NKAIN3: variants seen among roughly 807,000 people sequenced by gnomAD.
NKAIN3 encodes the protein sodium/potassium transporting ATPase interacting 3.
NKAIN3 carries 25 observed loss-of-function variants against 30.2 expected under a neutral mutation model. The observed-to-expected ratio is 0.83, with a 90% confidence interval of 0.60 to 1.16. NKAIN3 has a LOEUF of 1.16. Ranked by LOEUF, NKAIN3 falls within the 50% of genes most tolerant of loss-of-function variation. The probability of loss-of-function intolerance (pLI) is 0.00; values close to 1 mark genes in which losing one functional copy is unlikely to be tolerated. For missense variants in NKAIN3, 225 were observed against 254.1 expected (o/e 0.89, Z 0.78); for synonymous variants, 91 against 89.6 (o/e 1.02, Z -0.09).
intron 1 of NKAIN3, among the ~76,000 whole-genome samples, chr8:62,356,246 C>T (rs1284922737): frequency 1.3e-5 from 2 of 152,170 alleles, no homozygotes; most frequent in African/African-American, 4.8e-5. Context: ...TGATCCTCAC[C>T]TGATTATGCA....
In NKAIN3 at chr8:62,968,935, G is replaced by A. The variant is rs1286812274; in HGVS notation, c.*3528G>A. 6.6e-6 allele frequency among the ~76,000 whole-genome samples: 1 copy of A among 152,148 alleles called. No homozygotes were observed. The highest frequency in any genetic ancestry group is 1.5e-5 in the Non-Finnish European group (1 of 68,016). On this transcript the variant is annotated 3_prime_UTR_variant, in exon 7 of 7. Coordinates refer to ENST00000623646, the MANE Select transcript of NKAIN3 (RefSeq NM_001304533.3). ...TTACCAAAGGACACAAAATGTCTTG[G>A]GTTGTGGAATAGCACACATCAGAGA...
At chr8:62,771,892 A>T (rs1817025687) in intron 4 of NKAIN3, among the ~76,000 whole-genome samples, 1 of 152,192 alleles carries the variant, frequency 6.6e-6, no homozygotes, top group Non-Finnish European at 1.5e-5. Context: ...TCATATATTT[A>T]TCCTTTCTTT....
intron 3 of NKAIN3, among the ~76,000 whole-genome samples, chr8:62,673,197 G>A (rs971470691): frequency 1.3e-5 from 2 of 152,172 alleles, no homozygotes; most frequent in Non-Finnish European, 1.5e-5. Flanking sequence ...GATCAAGTTT[G>A]TGTTTCTCAC....
chr8:62,260,374 G>T (rs746251456), intron 1 of NKAIN3, among the ~76,000 whole-genome samples: 7 of 152,044 alleles, frequency 4.6e-5, no homozygotes, highest in Non-Finnish European at 1.0e-4. Context: ...TATATAAATT[G>T]TTGTTAATGA....
intron 4 of NKAIN3, among the ~76,000 whole-genome samples, chr8:62,843,298 C>A (rs965729820): frequency 4.7e-5 from 7 of 150,340 alleles, no homozygotes; most frequent in Non-Finnish European, 8.9e-5. Context: ...CGTCTTTTTT[C>A]TTTTTTTAAT....
At chr8:62,846,149 G>C (rs1586261682) in intron 4 of NKAIN3, among the ~76,000 whole-genome samples, 1 of 152,080 alleles carries the variant, frequency 6.6e-6, no homozygotes, top group African/African-American at 2.4e-5. Flanking sequence ...ATAACATGTA[G>C]AGGGCAGGAA....
chr8:62,741,340 G>T (rs1252033080), intron 3 of NKAIN3, among the ~76,000 whole-genome samples: 2 of 151,204 alleles, frequency 1.3e-5, no homozygotes, highest in Non-Finnish European at 2.9e-5. Context: ...AAGAATGAGT[G>T]AGAGAGAAGA....
chr8:62,836,052 T>TG (rs1286574648), intron 4 of NKAIN3, among the ~76,000 whole-genome samples: 2 of 152,016 alleles, frequency 1.3e-5, no homozygotes, highest in African/African-American at 4.8e-5. Flanking sequence ...CAGATGCAGC[T>TG]GGAGGCCATT....
chr8:62,339,012 G>T (rs1380154473), intron 1 of NKAIN3, among the ~76,000 whole-genome samples: 1 of 151,970 alleles, frequency 6.6e-6, no homozygotes, highest in Non-Finnish European at 1.5e-5. Context: ...TCTTGACACA[G>T]GGTGGTCAGA....
intron 4 of NKAIN3, among the ~76,000 whole-genome samples, chr8:62,813,886 T>C (rs2130718722): frequency 6.6e-6 from 1 of 152,162 alleles, no homozygotes; most frequent in African/African-American, 2.4e-5. Context: ...AAAAAGGCTT[T>C]ATTTCTTAAA....
At chr8:62,789,003 C>A (rs1328731269) in intron 4 of NKAIN3, among the ~76,000 whole-genome samples, 5 of 152,056 alleles carry the variant, frequency 3.3e-5, no homozygotes, top group African/African-American at 1.2e-4. Flanking sequence ...TTAGGATTGA[C>A]TTGGCAATGC....
chr8:62,647,848 T>G (rs1173394871), intron 3 of NKAIN3, among the ~76,000 whole-genome samples: 1 of 152,166 alleles, frequency 6.6e-6, no homozygotes, highest in Non-Finnish European at 1.5e-5. Flanking sequence ...TCTTTGAGAT[T>G]GATGTTTCAA....
At chr8:62,842,668 G>A (rs540873816) in intron 4 of NKAIN3, among the ~76,000 whole-genome samples, 5 of 152,088 alleles carry the variant, frequency 3.3e-5, no homozygotes, top group South Asian at 4.2e-4. Flanking sequence ...CAGACACATC[G>A]ACCTATGGAA....
chr8:62,348,335 CAT>C (rs1276328520), intron 1 of NKAIN3, among the ~76,000 whole-genome samples: 1 of 152,048 alleles, frequency 6.6e-6, no homozygotes, highest in African/African-American at 2.4e-5. Flanking sequence ...TTGTAGATGA[CAT>C]AATTTTTTAG....
At chr8:62,260,920 G>A (rs1472949257) in intron 1 of NKAIN3, among the ~76,000 whole-genome samples, 3 of 152,126 alleles carry the variant, frequency 2.0e-5, no homozygotes, top group Admixed American at 6.6e-5. Context: ...TTGTATGGTG[G>A]AAATTCTGTA....
intron 4 of NKAIN3, chr8:62,863,943 A>AGGTGGC: frequency 1.0e-6 from 1 of 980,478 alleles, no homozygotes; most frequent in Admixed American, 1.7e-5. Context: ...GGTCTGCCAA[A>AGGTGGC]GGTGGCGGTG....
chr8:62,829,215 C>T (rs952022596), intron 4 of NKAIN3, among the ~76,000 whole-genome samples: 4 of 152,140 alleles, frequency 2.6e-5, no homozygotes, highest in Admixed American at 6.6e-5. Context: ...GTGTCAACCT[C>T]AGCAACCTGA....
chr8:62,497,481 C>A (rs183155012), intron 1 of NKAIN3, among the ~76,000 whole-genome samples: 1 of 151,666 alleles, frequency 6.6e-6, no homozygotes, highest in East Asian at 1.9e-4. Context: ...GCGTTTATAG[C>A]ATTGAAAACA....
chr8:62,754,461 A>T (rs1816386745), intron 4 of NKAIN3, among the ~76,000 whole-genome samples: 1 of 152,110 alleles, frequency 6.6e-6, no homozygotes, highest in Non-Finnish European at 1.5e-5. Context: ...AAGAGTTTTA[A>T]AACTCACCTT....
Sources: allele counts gnomAD v4.1 joint callset (sites outside exome capture counted in the v4.1 genomes callset), GRCh38; gene constraint gnomAD v4.1.1; transcripts MANE v1.5; gene names NCBI Gene and HGNC (gene_info 2026-07-23, HGNC 2026-07-21).